The following ZFP2 variants were observed in gnomAD, a reference collection of about 807,000 sequenced individuals.
ZFP2 encodes zinc finger protein ZFP2.
ZFP2 carries 33 observed loss-of-function variants against 36.1 expected under a neutral mutation model. That is an observed-to-expected ratio of 0.92 (90% CI 0.69 to 1.22). The LOEUF (loss-of-function observed/expected upper bound fraction) is 1.22, where lower values mean the gene tolerates loss of function less well. ZFP2 is among the 50% of genes most tolerant of loss of function. The pLI is 0.00. For synonymous variants in ZFP2, 170 were observed against 178.0 expected, an observed-to-expected ratio of 0.96 and a Z score of 0.36; for missense variants, 522 against 551.4, an observed-to-expected ratio of 0.95 and a Z score of 0.53.
intron 4 of ZFP2, among the ~76,000 whole-genome samples, chr5:178,928,955 A>G (rs1299418568): frequency 1.3e-5 from 2 of 152,250 alleles, no homozygotes; most frequent in African/African-American, 4.8e-5. Context: ...TCAACTGTGT[A>G]TACCCACAGG....
At chr5:178,910,346 C>T in intron 1 of ZFP2, 3 of 1,102,746 alleles carry the variant, frequency 2.7e-6, no homozygotes, top group Non-Finnish European at 4.2e-6. Flanking sequence ...ACAGTTCTTC[C>T]AACCCCTGCA....
At chr5:178,901,905 A>C (rs576808669) in intron 1 of ZFP2, among the ~76,000 whole-genome samples, 1 of 152,202 alleles carries the variant, frequency 6.6e-6, no homozygotes, top group African/African-American at 2.4e-5. Context: ...AGGCCACGGC[A>C]GGTGGATCAC....
At chr5:178,897,266 C>G (rs1431470535) in intron 1 of ZFP2, among the ~76,000 whole-genome samples, 3 of 152,132 alleles carry the variant, frequency 2.0e-5, no homozygotes, top group Non-Finnish European at 4.4e-5. Flanking sequence ...TGTTAGTATT[C>G]TCTTGAACTT....
intron 1 of ZFP2, among the ~76,000 whole-genome samples, chr5:178,901,278 G>T (rs1561677281): frequency 6.6e-6 from 1 of 152,212 alleles, no homozygotes; most frequent in Non-Finnish European, 1.5e-5. Context: ...CAGTATTTGA[G>T]AATTCCAGTC....
At chr5:178,906,063 C>G (rs1365236572) in intron 1 of ZFP2, among the ~76,000 whole-genome samples, 2 of 152,152 alleles carry the variant, frequency 1.3e-5, no homozygotes, top group Non-Finnish European at 2.9e-5. Flanking sequence ...CCATGTTCAC[C>G]TTTTAAGAAG....
intron 1 of ZFP2, among the ~76,000 whole-genome samples, chr5:178,903,427 A>G (rs953868540): frequency 6.6e-6 from 1 of 152,234 alleles, no homozygotes; most frequent in Non-Finnish European, 1.5e-5. Context: ...TCCAACCCTC[A>G]GAAACAACTA....
Position 178,931,794 on chromosome 5 carries a change from A to C in ZFP2, c.481A>C (p.Asn161His). ...IHTGEKPYKCNECGKAFSQSM... is the reference protein window; with the variant it reads ...IHTGEKPYKCHECGKAFSQSM... ...TACTGGAGAGAAACCCTATAAATGT[A>C]ATGAATGTGGGAAAGCCTTTAGTCA... The change falls in exon 5 of 5, where the codon AAT (asparagine) becomes CAT (histidine). Residue 161 changes from asparagine (N) to histidine (H), a missense_variant. By Grantham distance (68) the Asn-to-His change is moderately conservative. Coordinates refer to ENST00000361362, the MANE Select transcript of ZFP2 (RefSeq NM_030613.4). The C allele has an allele frequency of 6.2e-7, 1 of 1,614,106 alleles. No homozygotes were observed. Among genetic ancestry groups the C allele is most frequent in the Non-Finnish European group, 8.5e-7 (1 of 1,179,990 alleles).
intron 1 of ZFP2, among the ~76,000 whole-genome samples, chr5:178,909,098 C>T (rs1434041773): frequency 1.5e-5 from 2 of 137,018 alleles, no homozygotes; most frequent in African/African-American, 2.7e-5. Context: ...ATCCAGGGCT[C>T]AGGGCGTAAA....
In ZFP2 at chr5:178,932,447, A is replaced by G. The variant is rs904572410; in HGVS notation, c.1134A>G (p.Gly378=). 2 of 1,614,016 alleles carry G rather than the reference A, an allele frequency of 1.2e-6. No individual in the cohort carries two copies. Among genetic ancestry groups the G allele is most frequent in the African/African-American group, 2.7e-5 (2 of 74,930 alleles). ...CCGTGCATCAGGTCATTCACACTGG[A>G]GAGAAACCTTATGAGTGCAATGAAT... ...SLTVHQVIHT[G]EKPYECNECG... is the part of the protein sequence containing the mutation. The change falls in exon 5 of 5, where the codon GGA becomes GGG. Residue 378 remains glycine, a synonymous_variant. Transcript: ENST00000361362.
chr5:178,921,447 C>A (rs549015725), intron 4 of ZFP2, among the ~76,000 whole-genome samples: 1 of 129,902 alleles, frequency 7.7e-6, no homozygotes, highest in African/African-American at 2.5e-5. Flanking sequence ...GACCACAGAT[C>A]CCTTGCTTGG....
intron 4 of ZFP2, among the ~76,000 whole-genome samples, chr5:178,928,376 A>T (rs1277413257): frequency 6.6e-6 from 1 of 152,152 alleles, no homozygotes; most frequent in East Asian, 1.9e-4. Flanking sequence ...TCTACCTATG[A>T]GCCTATAAAA....
chr5:178,919,776 A>G (rs1758514303), intron 4 of ZFP2, among the ~76,000 whole-genome samples: 9 of 152,136 alleles, frequency 5.9e-5, no homozygotes. Context: ...CCTGGGCAAA[A>G]CATGGCGAAA....
chr5:178,906,336 C>T (rs13189231), intron 1 of ZFP2, among the ~76,000 whole-genome samples: 31,279 of 152,080 alleles, frequency 0.21, 3,682 homozygotes, highest in Non-Finnish European at 0.25. Context: ...TGATTTGATA[C>T]CTTCTTTCAC....
chr5:178,895,999 G>C (rs1456685680), intron 1 of ZFP2, 25 bp downstream of exon 1: 1 of 152,398 alleles, frequency 6.6e-6, no homozygotes, highest in Admixed American at 6.5e-5. Flanking sequence ...GGTGGCGGGG[G>C]CGCGCGCCAT....
At chr5:178,924,481 G>A (rs1165618108) in intron 4 of ZFP2, among the ~76,000 whole-genome samples, 1 of 148,748 alleles carries the variant, frequency 6.7e-6, no homozygotes, top group South Asian at 2.1e-4. Context: ...TCATCTTAGT[G>A]TTATCGTAAC....
intron 2 of ZFP2, 83 bp from the exon 3 acceptor site, chr5:178,912,899 A>T (rs1345551447): frequency 3.3e-6 from 3 of 913,330 alleles, no homozygotes; most frequent in Non-Finnish European, 3.9e-6. Flanking sequence ...AGAAGCCCTG[A>T]AGGAGAAATG....
At chr5:178,929,567 T>C (rs1404136136) in intron 4 of ZFP2, among the ~76,000 whole-genome samples, 1 of 152,226 alleles carries the variant, frequency 6.6e-6, no homozygotes, top group Non-Finnish European at 1.5e-5. Flanking sequence ...TGACCTTTGC[T>C]GCAGTTCCCA....
chr5:178,916,758 G>A, intron 4 of ZFP2, 48 bp downstream of exon 4: 2 of 981,538 alleles, frequency 2.0e-6, no homozygotes, highest in Non-Finnish European at 2.4e-6. Context: ...GCTCTGAAAG[G>A]TGAAATAACA....
Position 178,931,456 on chromosome 5 carries a change from G to C in ZFP2, c.143G>C (p.Gly48Ala). ...ETFTEMRVCG[G>A]NEFERCSSQD... ...TTCACTGAGATGAGAGTATGTGGAG[G>C]TAATGAATTTGAAAGATGTTCCAGT... Residue 48 changes from glycine (G) to alanine (A), a missense_variant, in exon 5 of 5, where the codon GGT becomes GCT. Gly to Ala is a moderately conservative substitution (Grantham distance 60). Coordinates refer to ENST00000361362, the MANE Select transcript of ZFP2 (RefSeq NM_030613.4). 6.2e-7 allele frequency: 1 copy of C among 1,614,128 alleles called. No individual in the cohort carries two copies. The highest frequency in any genetic ancestry group is 8.5e-7 in the Non-Finnish European group (1 of 1,180,026).
Sources: gnomAD v4.1 joint callset for allele counts (sites outside exome capture counted in the v4.1 genomes callset) on GRCh38, gnomAD v4.1.1 for gene constraint, MANE v1.5 for transcripts, NCBI Gene and HGNC (gene_info 2026-07-23, HGNC 2026-07-21) for gene names.